Variants in TYW1B observed in about 807,000 individuals in gnomAD.
TYW1B encodes tRNA-yW synthesizing protein 1 homolog B.
TYW1B carries 73 observed loss-of-function variants against 86.9 expected under a neutral mutation model. The ratio of observed to expected loss-of-function variants is 0.84; its 90% CI spans 0.70 to 1.02. The LOEUF (loss-of-function observed/expected upper bound fraction) is 1.02, where lower values mean the gene tolerates loss of function less well. Among genes scored for constraint, TYW1B ranks in the 50% least tolerant of loss-of-function variants. The pLI, the probability that TYW1B is intolerant of heterozygous loss-of-function variation, is 0.00. For synonymous variants in TYW1B, 248 were observed against 292.8 expected (o/e 0.85, Z 1.56); for missense variants, 637 against 827.4 (o/e 0.77, Z 2.82).
intron 10 of TYW1B, among the ~76,000 whole-genome samples, chr7:72,710,173 T>A (rs1786610703): frequency 6.6e-6 from 1 of 152,216 alleles, no homozygotes; most frequent in Non-Finnish European, 1.5e-5. Context: ...TCTCTGGTTA[T>A]CATTTTGCAA....
intron 6 of TYW1B, among the ~76,000 whole-genome samples, chr7:72,787,544 C>T (rs1257978179): frequency 6.6e-6 from 1 of 151,342 alleles, no homozygotes; most frequent in African/African-American, 2.4e-5. Context: ...ATCACAAGGT[C>T]AGTGGATCAC....
intron 12 of TYW1B, among the ~76,000 whole-genome samples, chr7:72,619,388 T>A (rs1812159184): frequency 6.6e-6 from 1 of 152,092 alleles, no homozygotes; most frequent in South Asian, 2.1e-4. Flanking sequence ...ACGCCTGTAA[T>A]CCCAGCACTT....
rs1813307103 is a variant in TYW1B, at chr7:72,660,632, T to A, written c.1507-31635A>T. Among the ~76,000 whole-genome samples, 10 of 152,304 alleles carry A rather than the reference T, an allele frequency of 6.6e-5. No homozygotes were observed. The South Asian group carries it at 2.1e-3, about 32-fold the overall frequency. On this transcript the variant is annotated intron_variant, in intron 11 of 13. Transcript: ENST00000620995. ...CTTATAGATATATTCCTCTATGTAT[T>A]TTCCTTAACTGTGAAGATTTAAATG...
chr7:72,732,304 T>C (rs1554460111), intron 8 of TYW1B, among the ~76,000 whole-genome samples: 1 of 152,196 alleles, frequency 6.6e-6, no homozygotes, highest in Non-Finnish European at 1.5e-5. Context: ...TGACAAAATA[T>C]TTCATACTAC....
rs537238806 is a variant in TYW1B, at chr7:72,671,447, T to C, written c.1506+23240A>G. ...TAATGTCACAATGAATAATCTTGTA[T>C]ATATTTTTCTTCACATGAATGTATG... On this transcript the variant is annotated intron_variant, in intron 11 of 13. Coordinates refer to ENST00000620995, the MANE Select transcript of TYW1B (RefSeq NM_001145440.3). Among the ~76,000 whole-genome samples, 23 of 152,324 alleles carry C rather than the reference T, an allele frequency of 1.5e-4. No homozygotes were observed. In the East Asian group the frequency reaches 3.1e-3, roughly 20 times the overall value.
At chr7:72,585,896 C>T (rs1469068276) in intron 13 of TYW1B, among the ~76,000 whole-genome samples, 1 of 152,114 alleles carries the variant, frequency 6.6e-6, no homozygotes, top group Non-Finnish European at 1.5e-5. Context: ...GCTTTTTATA[C>T]TTCACTTCAT....
intron 13 of TYW1B, among the ~76,000 whole-genome samples, chr7:72,589,882 TAAACAAACAAAC>T (rs200883388): frequency 2.0e-5 from 3 of 151,852 alleles, no homozygotes; most frequent in Admixed American, 6.6e-5. Context: ...GTCTCAAAAA[TAAACAAACAAAC>T]AAACAAACAA....
chr7:72,799,655 C>T (rs527882661), intron 6 of TYW1B, among the ~76,000 whole-genome samples: 7 of 151,904 alleles, frequency 4.6e-5, no homozygotes, highest in South Asian at 2.1e-4. Context: ...TTAGTAGAGA[C>T]GGGGTTTCAC....
rs554595121 is a variant in TYW1B, at chr7:72,810,795, G to A, written c.238-130C>T. On this transcript the variant is annotated intron_variant, in intron 3 of 13. Coordinates refer to ENST00000620995, the MANE Select transcript of TYW1B (RefSeq NM_001145440.3). ...ACCTTCATAAACATGGCTCATTTTC[G>A]AAAGTGAAGGGCCTGACTAAGAAAC... 2.7e-4 allele frequency: 347 copies of A among 1,285,694 alleles called. 3 individuals carry two copies. The highest frequency in any genetic ancestry group is 2.4e-3 in the South Asian group (153 of 64,244). 79.6% of individuals were successfully genotyped at this position (1,285,694 alleles called of 1,614,324 possible). A position where few individuals can be genotyped will look rare whatever the true frequency, so the allele number is the denominator to read the frequency against.
intron 11 of TYW1B, among the ~76,000 whole-genome samples, chr7:72,690,319 T>C (rs1308229656): frequency 3.9e-5 from 6 of 152,198 alleles, no homozygotes; most frequent in African/African-American, 1.2e-4. Context: ...AAAAGGACTG[T>C]TTGACAAGTA....
chr7:72,729,605 A>T (rs1787067497), intron 8 of TYW1B, among the ~76,000 whole-genome samples: 1 of 152,070 alleles, frequency 6.6e-6, no homozygotes, highest in Non-Finnish European at 1.5e-5. Flanking sequence ...AGAACCTTGT[A>T]GTCCAAAAAA....
intron 7 of TYW1B, among the ~76,000 whole-genome samples, chr7:72,752,587 C>T (rs1787518252): frequency 1.3e-5 from 2 of 151,804 alleles, no homozygotes. Context: ...AAAAATTAGC[C>T]GGGCATGGTG....
intron 8 of TYW1B, among the ~76,000 whole-genome samples, chr7:72,729,275 C>T (rs767444589): frequency 1.3e-5 from 2 of 152,082 alleles, no homozygotes; most frequent in Admixed American, 6.6e-5. Flanking sequence ...TCATCTACGT[C>T]GACACTTCAT....
chr7:72,815,068 C>CAAA (rs576240918), intron 3 of TYW1B, among the ~76,000 whole-genome samples: 24 of 73,008 alleles, frequency 3.3e-4, no homozygotes, highest in East Asian at 1.4e-3. Flanking sequence ...GACTCCATCT[C>CAAA]AAAAAAAAAA....
chr7:72,669,119 C>T (rs1391045266), intron 11 of TYW1B, among the ~76,000 whole-genome samples: 8 of 138,440 alleles, frequency 5.8e-5, no homozygotes, highest in Non-Finnish European at 1.1e-4. Flanking sequence ...CAAACAACCA[C>T]TATTTAATTT....
rs1367016763 is a variant in TYW1B, at chr7:72,632,297, ATACGTG to A, written c.1507-3306_1507-3301del. On this transcript the variant is annotated intron_variant, in intron 11 of 13. Transcript: ENST00000620995. ...TATATATATACGTGTATATATATAT[ATACGTG>A]TATATATATTATATATATTATATAT... Among the ~76,000 whole-genome samples the A allele has an allele frequency of 7.1e-3, 485 of 67,966 alleles. 13 individuals are homozygous for A. Among genetic ancestry groups the A allele is most frequent in the African/African-American group, 0.03 (284 of 9,512 alleles). 44.6% of individuals were successfully genotyped at this position (67,966 alleles called of 152,430 possible).
chr7:72,704,150 T>C (rs1247725633), intron 10 of TYW1B, among the ~76,000 whole-genome samples: 2 of 151,858 alleles, frequency 1.3e-5, no homozygotes, highest in African/African-American at 4.8e-5. Flanking sequence ...AATGTCCATC[T>C]TGTCTGGGCG....
At chr7:72,623,532 A>G (rs1585855993) in intron 12 of TYW1B, among the ~76,000 whole-genome samples, 1 of 152,232 alleles carries the variant, frequency 6.6e-6, no homozygotes, top group Admixed American at 6.5e-5. Flanking sequence ...CCTTTCATTG[A>G]AGGTGAAAGG....
chr7:72,618,675 G>A (rs1359032359), intron 12 of TYW1B, among the ~76,000 whole-genome samples: 1 of 152,200 alleles, frequency 6.6e-6, no homozygotes, highest in East Asian at 1.9e-4. Context: ...TGGCCTTTGT[G>A]GAATATAAAC....
Sources: gnomAD v4.1 joint callset for allele counts (sites outside exome capture counted in the v4.1 genomes callset) on GRCh38, gnomAD v4.1.1 for gene constraint, MANE v1.5 for transcripts, NCBI Gene and HGNC (gene_info 2026-07-23, HGNC 2026-07-21) for gene names.